Variants in CUX1 observed in about 807,000 individuals in gnomAD.
CUX1 encodes the protein cut like homeobox 1.
CUX1 carries 31 observed loss-of-function variants against 158.8 expected under a neutral mutation model. The ratio of observed to expected loss-of-function variants is 0.20; its 90% CI spans 0.15 to 0.26. The LOEUF is 0.26. Ranked by LOEUF, CUX1 falls within the 10% of genes least tolerant of loss-of-function variation. The pLI is 1.00. For synonymous variants in CUX1, 879 were observed against 862.1 expected (o/e 1.02, Z -0.34); for missense variants, 1,589 against 2,014.6 (o/e 0.79, Z 4.04).
intron 8 of CUX1, among the ~76,000 whole-genome samples, chr7:102,119,083 G>A (rs1831756705): frequency 6.6e-6 from 1 of 152,182 alleles, no homozygotes; most frequent in African/African-American, 2.4e-5. Context: ...GGAATGGGAT[G>A]TGTGTGTATA....
chr7:102,196,745 C>A lies in CUX1; in HGVS notation c.1334C>A (p.Thr445Asn). ...PRNPGEQASN[T>N]NGTHQFSPAG... ...AACCCGGGGGAGCAGGCTTCCAATA[C>A]TAATGGTACACACCAGTTCTCACCA... Residue 445 changes from threonine (T) to asparagine (N), a missense_variant, in exon 15 of 24, where the codon ACT becomes AAT. Thr to Asn is a moderately conservative substitution (Grantham distance 65). Transcript: ENST00000292535. 5.6e-6 allele frequency: 9 copies of A among 1,614,068 alleles called. No homozygotes were observed. Among genetic ancestry groups the A allele is most frequent in the Non-Finnish European group, 7.6e-6 (9 of 1,179,996 alleles).
At chr7:101,909,556 C>A (rs1487134400) in intron 1 of CUX1, among the ~76,000 whole-genome samples, 1 of 152,226 alleles carries the variant, frequency 6.6e-6, no homozygotes, top group East Asian at 1.9e-4. Flanking sequence ...CATGGCCGAC[C>A]TTTCCCTTTT....
chr7:101,942,777 G>T (rs1335317146), intron 2 of CUX1, among the ~76,000 whole-genome samples: 1 of 152,228 alleles, frequency 6.6e-6, no homozygotes, highest in Non-Finnish European at 1.5e-5. Flanking sequence ...CAGACTCTGG[G>T]TCAGAGGGCA....
chr7:101,983,208 T>G (rs1813700174), intron 2 of CUX1, among the ~76,000 whole-genome samples: 1 of 152,156 alleles, frequency 6.6e-6, no homozygotes, highest in Non-Finnish European at 1.5e-5. Context: ...ATATACGTGT[T>G]TTGAATATAA....
chr7:102,191,580 T>G (rs564759532), intron 12 of CUX1, among the ~76,000 whole-genome samples: 3 of 152,298 alleles, frequency 2.0e-5, no homozygotes, highest in Non-Finnish European at 4.4e-5. Flanking sequence ...CTTTCCTTCC[T>G]TTCCCTCTTC....
intron 3 of CUX1, among the ~76,000 whole-genome samples, chr7:102,047,920 T>G (rs1052878242): frequency 4.6e-5 from 7 of 152,090 alleles, no homozygotes; most frequent in African/African-American, 1.7e-4. Context: ...GGAGGGAGCA[T>G]AGGATGCAGT....
intron 8 of CUX1, among the ~76,000 whole-genome samples, chr7:102,145,806 G>C (rs1405357716): frequency 1.3e-5 from 2 of 152,140 alleles, no homozygotes; most frequent in Non-Finnish European, 2.9e-5. Flanking sequence ...AATTAGCTGG[G>C]CATGGTGGCA....
rs979071756 is a variant in CUX1 at position 101,869,945 on chromosome 7, C to T, written c.31-46170C>T. 6.6e-6 allele frequency among the ~76,000 whole-genome samples: 1 copy of T among 152,078 alleles called. No homozygotes were observed. Among genetic ancestry groups the T allele is most frequent in the African/African-American group, 2.4e-5 (1 of 41,392 alleles). ...TTCCAGGTGCCCCGCAGAACCACCA[C>T]CCTTGGGAAGGCGGCTCCTCGTGCC... is the stretch of plus-strand genomic sequence containing the variant. On this transcript the variant is annotated intron_variant, in intron 1 of 23. Transcript: ENST00000292535. The surrounding 1 kb of genome is among the most constrained non-coding windows in gnomAD (Gnocchi z 4.5).
intron 2 of CUX1, among the ~76,000 whole-genome samples, chr7:101,992,876 A>G (rs1273169586): frequency 6.7e-6 from 1 of 149,200 alleles, no homozygotes; most frequent in Non-Finnish European, 1.5e-5. Flanking sequence ...ATCTAGTTCC[A>G]TTTGCAATAG....
chr7:101,984,069 TCCC>T (rs369578464), intron 2 of CUX1, among the ~76,000 whole-genome samples: 3 of 64,724 alleles, frequency 4.6e-5, no homozygotes, highest in Middle Eastern at 9.6e-3. Context: ...CAAGACTCTG[TCCC>T]CCCCCAAAAA....
chr7:101,849,795 C>T (rs1796079842), intron 1 of CUX1, among the ~76,000 whole-genome samples: 1 of 152,090 alleles, frequency 6.6e-6, no homozygotes, highest in Non-Finnish European at 1.5e-5. Flanking sequence ...ACACTCCCAC[C>T]AACCGTGTAT....
At chr7:102,079,620 C>G (rs927883257) in intron 4 of CUX1, among the ~76,000 whole-genome samples, 1 of 152,156 alleles carries the variant, frequency 6.6e-6, no homozygotes, top group Non-Finnish European at 1.5e-5. Flanking sequence ...TGTTGGCAAA[C>G]AAGACCTGGG....
intron 3 of CUX1, among the ~76,000 whole-genome samples, chr7:102,040,193 C>T (rs1225485062): frequency 1.3e-5 from 2 of 152,088 alleles, no homozygotes; most frequent in Non-Finnish European, 2.9e-5. Flanking sequence ...CCAGGCACTG[C>T]GAGGGAGACA....
intron 1 of CUX1, among the ~76,000 whole-genome samples, chr7:101,846,425 C>T (rs1795696008): frequency 6.6e-6 from 1 of 152,012 alleles, no homozygotes; most frequent in Non-Finnish European, 1.5e-5. Context: ...ATCAAGCGAT[C>T]CTCCCACCAC....
chr7:102,188,729 G>A (rs1354779271), intron 11 of CUX1: 3 of 149,780 alleles, frequency 2.0e-5, no homozygotes, highest in Admixed American at 6.7e-5. Flanking sequence ...AAAATTGCTT[G>A]AACTTGGGAG....
intron 1 of CUX1, among the ~76,000 whole-genome samples, chr7:101,907,736 G>T (rs1417151202): frequency 1.3e-5 from 2 of 151,778 alleles, no homozygotes; most frequent in East Asian, 3.9e-4. Context: ...GAGAACAAAT[G>T]AACTTTCTGC....
intron 23 of CUX1, among the ~76,000 whole-genome samples, chr7:102,246,574 G>GTTT (rs67892587): frequency 6.7e-6 from 1 of 148,972 alleles, no homozygotes; most frequent in African/African-American, 2.5e-5. Flanking sequence ...GAAAACCTTT[G>GTTT]TTTTTTTTTT....
At chr7:101,864,256 G>T (rs1279163214) in intron 1 of CUX1, among the ~76,000 whole-genome samples, 1 of 151,822 alleles carries the variant, frequency 6.6e-6, no homozygotes, top group Non-Finnish European at 1.5e-5. Context: ...GACCTCCTAG[G>T]CTCAATCAAT....
chr7:102,249,567 CT>C lies in CUX1; in HGVS notation c.*528del. 2.0e-6 allele frequency: 2 copies of C among 985,244 alleles called. No homozygotes were observed. Among genetic ancestry groups the C allele is most frequent in the Non-Finnish European group, 2.4e-6 (2 of 829,860 alleles). The allele number at this position is 985,244 out of a possible 1,614,324, so 61.0% of individuals were successfully genotyped here. A position where few individuals can be genotyped will look rare whatever the true frequency, so the allele number is the denominator to read the frequency against. ...CTTGTGTCCTCCTGTTCCGTGTGGG[CT>C]TTAAAAGAAAAAAAATCAAACCCAC... is the stretch of plus-strand genomic sequence containing the variant. On this transcript the variant is annotated 3_prime_UTR_variant, in exon 24 of 24. Transcript: ENST00000292535.
Sources: allele counts gnomAD v4.1 joint callset (sites outside exome capture counted in the v4.1 genomes callset), GRCh38; gene constraint gnomAD v4.1.1; non-coding constraint Gnocchi (gnomAD v3.1); transcripts MANE v1.5; gene names NCBI Gene and HGNC (gene_info 2026-07-23, HGNC 2026-07-21).